ANP32A: variants seen among roughly 807,000 people sequenced by gnomAD.
ANP32A encodes the protein acidic leucine-rich nuclear phosphoprotein 32 family member A.
Under a neutral mutation model 33.9 loss-of-function variants are expected in ANP32A, and 1 was observed. That is an observed-to-expected ratio of 0.03 (90% CI 0.01 to 0.14). The LOEUF (loss-of-function observed/expected upper bound fraction) is 0.14. Among genes scored for constraint, ANP32A ranks in the 10% least tolerant of loss-of-function variants. The pLI, the probability that ANP32A is intolerant of heterozygous loss-of-function variation, is 1.00. For missense variants in ANP32A, 155 were observed against 306.0 expected, an observed-to-expected ratio of 0.51 and a Z score of 3.68; for synonymous variants, 115 against 120.5, an observed-to-expected ratio of 0.95 and a Z score of 0.30.
chr15:68,780,697 T>C lies in ANP32A; in HGVS notation c.625-224A>G. 1 of 627,800 alleles carries C rather than the reference T, an allele frequency of 1.6e-6. No individual in the cohort carries two copies. Among genetic ancestry groups the C allele is most frequent in the Non-Finnish European group, 2.5e-6 (1 of 397,050 alleles). 38.9% of individuals were successfully genotyped at this position (627,800 alleles called of 1,614,324 possible). A position where few individuals can be genotyped will look rare whatever the true frequency, so the allele number is the denominator to read the frequency against. On this transcript the variant is annotated intron_variant, in intron 5 of 6. Coordinates refer to ENST00000465139, the MANE Select transcript of ANP32A (RefSeq NM_006305.4). The surrounding 1 kb of genome is among the most constrained non-coding windows in gnomAD (Gnocchi z 4.3). ...AGCTTTGAACTCCTTCTCCAGAAAA[T>C]GTCCGTATCATTTATAATATTTGCA...
At chr15:68,799,038 A>G (rs75191412) in intron 1 of ANP32A, among the ~76,000 whole-genome samples, 5,050 of 152,358 alleles carry the variant, frequency 0.033, 177 homozygotes, top group East Asian at 0.2. Context: ...GGGGCTACAC[A>G]TAAGAAGCAA....
intron 1 of ANP32A, among the ~76,000 whole-genome samples, chr15:68,805,912 T>A (rs1253654083): frequency 6.6e-6 from 1 of 152,130 alleles, no homozygotes; most frequent in East Asian, 1.9e-4. Context: ...GCAGCATAGG[T>A]GATGTGTCTG....
At chr15:68,809,314 A>C (rs61142399) in intron 1 of ANP32A, among the ~76,000 whole-genome samples, 1,566 of 152,306 alleles carry the variant, frequency 0.01, 28 homozygotes, top group African/African-American at 0.036. Context: ...AGCAGTGTCT[A>C]GGAAGGTATG....
intron 1 of ANP32A, among the ~76,000 whole-genome samples, chr15:68,799,869 T>C (rs1313077088): frequency 2.0e-5 from 3 of 152,242 alleles, no homozygotes; most frequent in African/African-American, 7.2e-5. Flanking sequence ...ACTATCTCTC[T>C]CCACTTATTT....
intron 1 of ANP32A, among the ~76,000 whole-genome samples, chr15:68,800,245 A>C (rs1424119282): frequency 6.6e-6 from 1 of 152,162 alleles, no homozygotes; most frequent in Non-Finnish European, 1.5e-5. Flanking sequence ...TTTAGGATGC[A>C]GGCCCGATAC....
intron 1 of ANP32A, among the ~76,000 whole-genome samples, chr15:68,796,068 T>C (rs1894060103): frequency 6.6e-6 from 1 of 152,162 alleles, no homozygotes; most frequent in Non-Finnish European, 1.5e-5. Flanking sequence ...CACGACCCAG[T>C]GAAAATCTTA....
At chr15:68,808,768 G>A (rs890167561) in intron 1 of ANP32A, among the ~76,000 whole-genome samples, 5 of 152,064 alleles carry the variant, frequency 3.3e-5, no homozygotes, top group African/African-American at 9.7e-5. Flanking sequence ...CCCTGCACAC[G>A]CACATGCATA....
intron 1 of ANP32A, among the ~76,000 whole-genome samples, chr15:68,812,459 C>T (rs1412095858): frequency 6.6e-6 from 1 of 152,052 alleles, no homozygotes; most frequent in Non-Finnish European, 1.5e-5. Flanking sequence ...GGATTGAGTC[C>T]TTATGCTGAG....
In ANP32A at chr15:68,796,581, G is replaced by A. The variant is rs147606355; in HGVS notation, c.55-8662C>T. On this transcript the variant is annotated intron_variant, in intron 1 of 6. Transcript: ENST00000465139. ...TCAGTGGATGCTGGAAGACTGAAGAGGTAGGTGCTGGAGGACTGAAGAGGT... is the reference window on the plus strand; with the variant it reads ...TCAGTGGATGCTGGAAGACTGAAGAAGTAGGTGCTGGAGGACTGAAGAGGT... 6.5e-3 allele frequency among the ~76,000 whole-genome samples: 989 copies of A among 152,312 alleles called. 7 individuals carry two copies. Among genetic ancestry groups the A allele is most frequent in the African/African-American group, 0.022 (930 of 41,548 alleles).
At chr15:68,815,062 T>C (rs977338525) in intron 1 of ANP32A, among the ~76,000 whole-genome samples, 3 of 152,206 alleles carry the variant, frequency 2.0e-5, no homozygotes, top group Non-Finnish European at 4.4e-5. Context: ...GTAACAAGGA[T>C]AATTTCTCTT....
At chr15:68,820,618 C>T in intron 1 of ANP32A, 80 bp downstream of exon 1, 3 of 608,988 alleles carry the variant, frequency 4.9e-6, no homozygotes, top group South Asian at 2.4e-5. Flanking sequence ...AAAAAAAGTG[C>T]CTCCCCCCAG....
intron 1 of ANP32A, among the ~76,000 whole-genome samples, chr15:68,797,990 C>T (rs1894085165): frequency 6.6e-6 from 1 of 152,220 alleles, no homozygotes; most frequent in Non-Finnish European, 1.5e-5. Flanking sequence ...AGAAGGCTAA[C>T]CCTTTATTCA....
intron 3 of ANP32A, 136 bp downstream of exon 3, chr15:68,787,277 T>C: frequency 7.8e-7 from 1 of 1,273,930 alleles, no homozygotes; most frequent in East Asian, 2.4e-5. Context: ...AAACAATAGC[T>C]CAATTCTATC....
At chr15:68,784,022 GA>G (rs1264764240) in intron 4 of ANP32A, among the ~76,000 whole-genome samples, 1 of 152,164 alleles carries the variant, frequency 6.6e-6, no homozygotes, top group East Asian at 1.9e-4. Context: ...TCACACTACA[GA>G]AAGACTGTAG....
At chr15:68,814,455 G>GA (rs796517409) in intron 1 of ANP32A, among the ~76,000 whole-genome samples, 63 of 145,422 alleles carry the variant, frequency 4.3e-4, no homozygotes, top group African/African-American at 5.5e-4. Context: ...TATGGGGAAA[G>GA]AAAAAAAAAA....
chr15:68,819,658 G>A (rs1894443324), intron 1 of ANP32A, among the ~76,000 whole-genome samples: 1 of 152,218 alleles, frequency 6.6e-6, no homozygotes, highest in African/African-American at 2.4e-5. Flanking sequence ...GCCCAGCACT[G>A]AGAAAGACGG....
chr15:68,789,607 C>T (rs577824227), intron 1 of ANP32A: 3 of 152,606 alleles, frequency 2.0e-5, no homozygotes, highest in South Asian at 4.1e-4. Context: ...TCAGCCCCCT[C>T]TTGCCAGTGG....
chr15:68,816,203 G>A (rs1052840138), intron 1 of ANP32A, among the ~76,000 whole-genome samples: 10 of 151,936 alleles, frequency 6.6e-5, no homozygotes, highest in Admixed American at 5.2e-4. Flanking sequence ...CTCTTTCTAC[G>A]GTGGCACCAC....
intron 1 of ANP32A, among the ~76,000 whole-genome samples, chr15:68,817,935 G>A (rs987541984): frequency 1.3e-5 from 2 of 152,114 alleles, no homozygotes; most frequent in Non-Finnish European, 1.5e-5. Context: ...CCCGGCGCCC[G>A]GCAGTCGTGC....
Sources: allele counts gnomAD v4.1 joint callset (sites outside exome capture counted in the v4.1 genomes callset), GRCh38; gene constraint gnomAD v4.1.1; non-coding constraint Gnocchi (gnomAD v3.1); transcripts MANE v1.5; gene names NCBI Gene and HGNC (gene_info 2026-07-23, HGNC 2026-07-21).